The following C9orf72 variants were observed in gnomAD, a reference collection of about 807,000 sequenced individuals.
C9orf72 encodes the protein C9orf72-SMCR8 complex subunit.
Under a neutral mutation model 51.6 loss-of-function variants are expected in C9orf72, and 44 were observed. That is an observed-to-expected ratio of 0.85 (90% CI 0.67 to 1.10). C9orf72 has a LOEUF of 1.10. Among genes scored for constraint, C9orf72 ranks in the 50% least tolerant of loss-of-function variants. C9orf72 has a pLI of 0.00. For missense variants in C9orf72, 607 were observed against 570.6 expected, an observed-to-expected ratio of 1.06 and a Z score of -0.65; for synonymous variants, 213 against 194.2, an observed-to-expected ratio of 1.10 and a Z score of -0.81.
At chr9:27,559,281 A>C (rs1459254112) in intron 6 of C9orf72, 7 of 151,474 alleles carry the variant, frequency 4.6e-5, no homozygotes, top group Admixed American at 4.0e-4. Context: ...AAAAAAAAAA[A>C]AAAACACTCC....
At chr9:27,569,044 G>C (rs1176972434) in intron 1 of C9orf72, among the ~76,000 whole-genome samples, 1 of 151,420 alleles carries the variant, frequency 6.6e-6, no homozygotes, top group Non-Finnish European at 1.5e-5. Flanking sequence ...CTAGGTGAAA[G>C]TGTGTGTGTT....
In C9orf72 at chr9:27,566,948, T is replaced by G; in HGVS notation, c.173A>C (p.Glu58Ala). 6.2e-7 allele frequency: 1 copy of G among 1,614,100 alleles called. No individual in the cohort carries two copies. Among genetic ancestry groups the G allele is most frequent in the Non-Finnish European group, 8.5e-7 (1 of 1,179,962 alleles). Residue 58 changes from glutamate (E) to alanine (A), a missense_variant, in exon 2 of 11, where the codon GAA becomes GCA. By Grantham distance (107) the Glu-to-Ala change is moderately radical. Transcript: ENST00000380003. The part of the protein sequence containing the change: ...KTEQVLLSDG[E>A]ITFLANHTLN... ...AGTGTGGTTGGCAAGAAAAGTTATT[T>G]CTCCATCACTGAGAAGTACCTGTTC...
chr9:27,569,649 C>T (rs773535617), intron 1 of C9orf72, among the ~76,000 whole-genome samples: 15 of 152,192 alleles, frequency 9.9e-5, no homozygotes, highest in Middle Eastern at 6.8e-3. Flanking sequence ...ATGACAAAAT[C>T]GCCTAATGAT....
chr9:27,548,434 G>GTAAAA lies in C9orf72; in HGVS notation c.1260-13_1260-12insTTTTA. ...TTTTTCCCTTCTGCCTAAAAATAAT[G>GTAAAA]GAAAAAAAAAAAAAAAAAAAAAAAA... is the stretch of plus-strand genomic sequence containing the variant. On this transcript the variant is annotated splice_polypyrimidine_tract_variant and intron_variant, in intron 10 of 10. Transcript: ENST00000380003. The GTAAAA allele has an allele frequency of 3.7e-5, 3 of 80,728 alleles. No homozygotes were observed. Among genetic ancestry groups the GTAAAA allele is most frequent in the Non-Finnish European group, 5.7e-5 (3 of 52,382 alleles). The allele number at this position is 80,728 out of a possible 1,614,324, so 5.0% of individuals were successfully genotyped here.
chr9:27,549,259 T>A (rs1232778238), intron 9 of C9orf72, among the ~76,000 whole-genome samples: 1 of 152,262 alleles, frequency 6.6e-6, no homozygotes, highest in East Asian at 1.9e-4. Flanking sequence ...ATAAGTTATT[T>A]CGTATTACTT....
intron 2 of C9orf72, among the ~76,000 whole-genome samples, chr9:27,565,919 C>A (rs1819457057): frequency 6.6e-6 from 1 of 152,068 alleles, no homozygotes; most frequent in South Asian, 2.1e-4. Context: ...TTAAAAGATT[C>A]TCCTGATTTT....
chr9:27,570,156 A>G (rs700825), intron 1 of C9orf72, among the ~76,000 whole-genome samples: 141,530 of 152,278 alleles, frequency 0.93, 65,824 homozygotes, highest in Admixed American at 0.95. Context: ...AGACAGCACT[A>G]GATATAAGCC....
chr9:27,562,676 CTTT>C (rs34007035), intron 3 of C9orf72, among the ~76,000 whole-genome samples, 200 bp from the exon 4 acceptor site: 3 of 144,778 alleles, frequency 2.1e-5, no homozygotes, highest in Non-Finnish European at 1.5e-5. Flanking sequence ...TCTTTCTTTT[CTTT>C]TTTTTTTTTT....
chr9:27,554,093 GA>G (rs1472748252), intron 8 of C9orf72, among the ~76,000 whole-genome samples: 4 of 152,146 alleles, frequency 2.6e-5, no homozygotes, highest in Non-Finnish European at 4.4e-5. Context: ...TAGCTATTAT[GA>G]AAAGCAGTTT....
At chr9:27,550,779 A>C (rs1324221091) in intron 8 of C9orf72, 72 bp from the exon 9 acceptor site, 14 of 720,168 alleles carry the variant, frequency 1.9e-5, no homozygotes, top group East Asian at 8.4e-5. Context: ...GCTACCTTCC[A>C]CAATCCCTCA....
At chr9:27,548,815 G>T (rs1023828445) in intron 9 of C9orf72, 149 bp from the exon 10 acceptor site, 3 of 551,814 alleles carry the variant, frequency 5.4e-6, no homozygotes, top group African/African-American at 3.8e-5. Context: ...CAGGAGTGTG[G>T]TATAGAAGCA....
chr9:27,572,765 C>T (rs1819615854), intron 1 of C9orf72, among the ~76,000 whole-genome samples: 1 of 152,204 alleles, frequency 6.6e-6, no homozygotes, highest in South Asian at 2.1e-4. Flanking sequence ...CAACTGATTA[C>T]CATCAGTCAA....
chr9:27,558,094 C>A (rs907452638), intron 7 of C9orf72, among the ~76,000 whole-genome samples: 19 of 149,328 alleles, frequency 1.3e-4, no homozygotes, highest in Admixed American at 6.0e-4. Flanking sequence ...TATTTTAGTA[C>A]ACATACATAG....
Position 27,566,867 on chromosome 9 carries a change from A to G in C9orf72, c.254T>C (p.Phe85Ser). 1 of 1,614,028 alleles carries G rather than the reference A, an allele frequency of 6.2e-7. No individual in the cohort carries two copies. Reference sequence around the variant, plus strand: ...AATCACTCCCTTTTCAGACAAGACAAAAAACTTTACATCTATAGCACCACT... The same window carrying G: ...AATCACTCCCTTTTCAGACAAGACAGAAAACTTTACATCTATAGCACCACT... ...AESGAIDVKF[F>S]VLSEKGVIIV... is the part of the protein sequence containing the mutation. Residue 85 changes from phenylalanine to serine, a missense_variant, in exon 2 of 11, where the codon TTT becomes TCT. Coordinates refer to ENST00000380003, the MANE Select transcript of C9orf72 (RefSeq NM_018325.5).
chr9:27,572,794 T>C (rs142685038), intron 1 of C9orf72, among the ~76,000 whole-genome samples: 12 of 152,324 alleles, frequency 7.9e-5, no homozygotes, highest in East Asian at 1.9e-4. Flanking sequence ...CAAGTCACAA[T>C]AGTCACTTCC....
At chr9:27,550,526 G>C in intron 9 of C9orf72, 124 bp downstream of exon 9, 1 of 538,168 alleles carries the variant, frequency 1.9e-6, no homozygotes, top group Non-Finnish European at 3.3e-6. Flanking sequence ...AACTGCAATT[G>C]CTGAGCAGAA....
intron 3 of C9orf72, among the ~76,000 whole-genome samples, chr9:27,565,018 A>G (rs1174763084): frequency 6.6e-6 from 1 of 152,192 alleles, no homozygotes; most frequent in African/African-American, 2.4e-5. Flanking sequence ...AGGAGAGGGT[A>G]AGAAATATCA....
chr9:27,565,456 G>T, intron 3 of C9orf72, 75 bp downstream of exon 3: 1 of 959,464 alleles, frequency 1.0e-6, no homozygotes. Context: ...CCAAGGCCTT[G>T]ACAAATGTAG....
intron 8 of C9orf72, among the ~76,000 whole-genome samples, chr9:27,552,886 T>A (rs1820937059): frequency 6.6e-6 from 1 of 152,146 alleles, no homozygotes; most frequent in Non-Finnish European, 1.5e-5. Flanking sequence ...TTGTTGAGGA[T>A]TTTTGCATCT....
Sources: gnomAD v4.1 joint callset for allele counts (sites outside exome capture counted in the v4.1 genomes callset) on GRCh38, gnomAD v4.1.1 for gene constraint, MANE v1.5 for transcripts, NCBI Gene and HGNC (gene_info 2026-07-23, HGNC 2026-07-21) for gene names.